The following LOXHD1 variants were observed in gnomAD, a reference collection of about 807,000 sequenced individuals.
LOXHD1 encodes lipoxygenase homology domain-containing protein 1.
A neutral mutation model predicts 248.2 loss-of-function variants in LOXHD1; 205 were observed. That is an observed-to-expected ratio of 0.83 (90% CI 0.74 to 0.93). LOXHD1 has a LOEUF of 0.93. Among genes scored for constraint, LOXHD1 ranks in the 40% least tolerant of loss-of-function variants. LOXHD1 has a pLI of 0.00. For missense variants in LOXHD1, 2,930 were observed against 2,971.6 expected, an observed-to-expected ratio of 0.99 and a Z score of 0.33; for synonymous variants, 1,113 against 1,162.8, an observed-to-expected ratio of 0.96 and a Z score of 0.87.
At chr18:46,642,837 C>T (rs1472819979) in intron 2 of LOXHD1, among the ~76,000 whole-genome samples, 1 of 152,154 alleles carries the variant, frequency 6.6e-6, no homozygotes, top group African/African-American at 2.4e-5. Flanking sequence ...CCATTTGAGC[C>T]CCGGCCTGCC....
Position 46,515,862 on chromosome 18 carries a change from C to A in LOXHD1, c.5399+2267G>T, listed in dbSNP as rs577292022. On this transcript the variant is annotated intron_variant, in intron 34 of 40. Transcript: ENST00000642948. ...AATGGTCAGGACTTGGGCAATGGCC[C>A]CCAGCTTCCCTATTTTGTCCCTGCT... 5.9e-5 allele frequency among the ~76,000 whole-genome samples: 9 copies of A among 152,300 alleles called. No homozygotes were observed. In the South Asian group the frequency reaches 1.9e-3, roughly 32 times the overall value.
chr18:46,564,422 C>T (rs2037596256), intron 17 of LOXHD1, among the ~76,000 whole-genome samples: 1 of 152,070 alleles, frequency 6.6e-6, no homozygotes, highest in East Asian at 1.9e-4. Flanking sequence ...GTCCCAGCTA[C>T]TCAAGAGGCT....
chr18:46,524,273 C>T (rs989436962), intron 31 of LOXHD1, among the ~76,000 whole-genome samples, 193 bp downstream of exon 31: 2 of 152,208 alleles, frequency 1.3e-5, no homozygotes, highest in Non-Finnish European at 2.9e-5. Flanking sequence ...GCAAAGGGGG[C>T]TTAGCCCTGC....
chr18:46,500,817 T>A (rs577924023), intron 37 of LOXHD1, among the ~76,000 whole-genome samples: 4 of 152,180 alleles, frequency 2.6e-5, no homozygotes, highest in Non-Finnish European at 5.9e-5. Context: ...TATTTGCTAT[T>A]CACTCTACCT....
chr18:46,544,804 A>G (rs931335404), intron 23 of LOXHD1: 2 of 471,352 alleles, frequency 4.2e-6, no homozygotes, highest in East Asian at 1.4e-4. Flanking sequence ...GGTTAGGTCC[A>G]TTTATTCTTC....
intron 17 of LOXHD1, among the ~76,000 whole-genome samples, chr18:46,564,944 C>T (rs1422989121): frequency 6.6e-6 from 1 of 152,124 alleles, no homozygotes; most frequent in Admixed American, 6.5e-5. Flanking sequence ...GAGCCTTGGG[C>T]AGTTGCTTTC....
At chr18:46,537,614 A>T (rs1437926830) in intron 26 of LOXHD1, among the ~76,000 whole-genome samples, 1 of 152,194 alleles carries the variant, frequency 6.6e-6, no homozygotes, top group Non-Finnish European at 1.5e-5. Flanking sequence ...ATTCCAAGGC[A>T]TTATGACCTA....
chr18:46,550,355 T>C (rs200376995), intron 21 of LOXHD1, among the ~76,000 whole-genome samples: 1 of 151,450 alleles, frequency 6.6e-6, no homozygotes, highest in South Asian at 2.1e-4. Flanking sequence ...GGGTGGATCA[T>C]GAGGTCAGGA....
chr18:46,547,204 C>T (rs2036886898), intron 21 of LOXHD1, 146 bp from the exon 22 acceptor site: 2 of 944,074 alleles, frequency 2.1e-6, no homozygotes, highest in Non-Finnish European at 3.2e-6. Context: ...CTATTCTACC[C>T]AGCCTGGGAA....
Position 46,477,321 on chromosome 18 carries a change from TAGGGTGGGGA to T in LOXHD1, c.*141_*150del. On this transcript the variant is annotated 3_prime_UTR_variant, in exon 41 of 41. Coordinates refer to ENST00000642948, the MANE Select transcript of LOXHD1 (RefSeq NM_001384474.1). ...CACTGTAGGTTCAATAAACTGGGGG[TAGGGTGGGGA>T]GCAGGACCCCATGAAGTTCTCAGTG... is the stretch of plus-strand genomic sequence containing the variant. 1.0e-6 allele frequency: 1 copy of T among 987,274 alleles called. No individual in the cohort carries two copies. Among genetic ancestry groups the T allele is most frequent in the Non-Finnish European group, 1.6e-6 (1 of 636,408 alleles). 61.2% of individuals were successfully genotyped at this position (987,274 alleles called of 1,614,324 possible). A position where few individuals can be genotyped will look rare whatever the true frequency, so the allele number is the denominator to read the frequency against.
chr18:46,638,692 T>C (rs1315543973), intron 4 of LOXHD1, among the ~76,000 whole-genome samples: 1 of 152,166 alleles, frequency 6.6e-6, no homozygotes, highest in African/African-American at 2.4e-5. Flanking sequence ...TAAGTTATGA[T>C]GATAGGAATC....
chr18:46,553,438 C>A (rs2037189662), intron 21 of LOXHD1, among the ~76,000 whole-genome samples: 1 of 152,226 alleles, frequency 6.6e-6, no homozygotes, highest in African/African-American at 2.4e-5. Context: ...GCCTCCTAGA[C>A]CATCAGGGTT....
chr18:46,641,057 C>G (rs1599070083), intron 3 of LOXHD1, among the ~76,000 whole-genome samples: 1 of 152,098 alleles, frequency 6.6e-6, no homozygotes, highest in Admixed American at 6.5e-5. Flanking sequence ...CTAGAGGTCG[C>G]CTTTACTCAC....
chr18:46,647,805 T>C (rs2039051716), intron 2 of LOXHD1, among the ~76,000 whole-genome samples: 1 of 152,194 alleles, frequency 6.6e-6, no homozygotes, highest in African/African-American at 2.4e-5. Context: ...TACAGCTTCC[T>C]CTGCCAGCCC....
Position 46,649,245 on chromosome 18 carries a change from C to T in LOXHD1, c.155G>A (p.Gly52Glu). ...ATCCGTCCCTGCACCGCGAACATCCCCCGTGGCTGTGACCACTTCATACAC... is the reference window on the plus strand; with the variant it reads ...ATCCGTCCCTGCACCGCGAACATCCTCCGTGGCTGTGACCACTTCATACAC... ...ARVYEVVTAT[G>E]DVRGAGTDAN... Residue 52 changes from glycine to glutamate, a missense_variant, in exon 2 of 41, where the codon GGG becomes GAG. Coordinates refer to ENST00000642948, the MANE Select transcript of LOXHD1 (RefSeq NM_001384474.1). 6.4e-7 allele frequency: 1 copy of T among 1,551,890 alleles called. No individual in the cohort carries two copies. The highest frequency in any genetic ancestry group is 1.4e-5 in the African/African-American group (1 of 73,170).
At chr18:46,505,577 C>T (rs370436066) in intron 37 of LOXHD1, among the ~76,000 whole-genome samples, 95 of 152,292 alleles carry the variant, frequency 6.2e-4, no homozygotes, top group African/African-American at 2.2e-3. Flanking sequence ...CAAATTAATG[C>T]TCTGAAATCA....
At chr18:46,521,066 A>T in intron 33 of LOXHD1, 31 bp downstream of exon 33, 2 of 1,547,452 alleles carry the variant, frequency 1.3e-6, no homozygotes, top group South Asian at 1.2e-5. Flanking sequence ...TGCCCTGGCC[A>T]TGCACTGCAC....
chr18:46,520,978 G>T, intron 33 of LOXHD1, 119 bp downstream of exon 33: 2 of 1,197,326 alleles, frequency 1.7e-6, no homozygotes, highest in Non-Finnish European at 2.3e-6. Context: ...AGGCTGCAGC[G>T]CCTGCGGATG....
At chr18:46,546,352 ACATTCCATTCCAACCCATCCCATTC>A (rs1568167684) in intron 22 of LOXHD1, among the ~76,000 whole-genome samples, 1 of 143,076 alleles carries the variant, frequency 7.0e-6, no homozygotes, top group African/African-American at 2.6e-5. Context: ...TCATTCCAAT[ACATTCCATTCCAACCCATCCCATTC>A]CATTCCATTC....
Sources: gnomAD v4.1 joint callset for allele counts (sites outside exome capture counted in the v4.1 genomes callset) on GRCh38, gnomAD v4.1.1 for gene constraint, MANE v1.5 for transcripts, NCBI Gene and HGNC (gene_info 2026-07-23, HGNC 2026-07-21) for gene names.